Variants in CDH18 observed in about 807,000 individuals in gnomAD.
The protein encoded by CDH18 is cadherin 18.
In CDH18, 31 loss-of-function variants were observed where a neutral mutation model predicts 67.9. The observed-to-expected ratio is 0.46, with a 90% CI of 0.34 to 0.62. CDH18 has a LOEUF of 0.62. Ranked by LOEUF, CDH18 falls within the 20% of genes least tolerant of loss-of-function variation. The probability of loss-of-function intolerance (pLI) is 0.01; values close to 1 mark genes in which losing one functional copy is unlikely to be tolerated. For synonymous variants in CDH18, 362 were observed against 347.2 expected (o/e 1.04, Z -0.48); for missense variants, 890 against 975.5 (o/e 0.91, Z 1.17).
At chr5:20,035,376 C>T (rs1739760620) in intron 2 of CDH18, among the ~76,000 whole-genome samples, 1 of 151,966 alleles carries the variant, frequency 6.6e-6, no homozygotes, top group South Asian at 2.1e-4. Flanking sequence ...AAAGTGATTG[C>T]ATTATTCTAT....
chr5:19,772,472 G>T (rs1411980124), intron 3 of CDH18, among the ~76,000 whole-genome samples: 2 of 151,984 alleles, frequency 1.3e-5, no homozygotes, highest in East Asian at 1.9e-4. Flanking sequence ...TGGAAAATGG[G>T]TTACAAGAGA....
In CDH18 at chr5:20,054,774, C is replaced by T. The variant is rs369610984; in HGVS notation, c.-517-62760G>A. On this transcript the variant is annotated intron_variant, in intron 2 of 14. Coordinates refer to the CDH18 transcript ENST00000507958. The stretch of plus-strand genomic sequence containing the variant: ...ACCTAGACCCTTTGGAAAAATGTAT[C>T]CCCATTCTACAAAAGTATGGCTTTT... 6.2e-4 allele frequency among the ~76,000 whole-genome samples: 94 copies of T among 152,238 alleles called. No individual in the cohort carries two copies. In the South Asian group the frequency reaches 0.017, roughly 27 times the overall value.
intron 1 of CDH18, among the ~76,000 whole-genome samples, chr5:20,262,886 C>T (rs1744756021): frequency 1.3e-5 from 2 of 150,288 alleles, no homozygotes; most frequent in Non-Finnish European, 2.9e-5. Context: ...TCATTATATT[C>T]TTCAACACTT....
At chr5:20,042,942 A>C (rs1221990095) in intron 2 of CDH18, among the ~76,000 whole-genome samples, 2 of 152,086 alleles carry the variant, frequency 1.3e-5, no homozygotes, top group Non-Finnish European at 2.9e-5. Context: ...AGCCTGGGCG[A>C]CAGAGCCAGA....
intron 1 of CDH18, among the ~76,000 whole-genome samples, chr5:20,256,886 TGTTCTGGAA>T (rs1744273047): frequency 6.6e-6 from 1 of 151,842 alleles, no homozygotes; most frequent in African/African-American, 2.4e-5. Flanking sequence ...TGGGCTGTGA[TGTTCTGGAA>T]GTACTAAGAG....
At chr5:19,642,605 A>T (rs1389781054) in intron 5 of CDH18, among the ~76,000 whole-genome samples, 1 of 152,054 alleles carries the variant, frequency 6.6e-6, no homozygotes, top group Non-Finnish European at 1.5e-5. Flanking sequence ...TAGTGTTGGG[A>T]AAACTGGACA....
At chr5:20,161,872 T>C (rs1028784249) in intron 2 of CDH18, among the ~76,000 whole-genome samples, 5 of 152,176 alleles carry the variant, frequency 3.3e-5, no homozygotes, top group Non-Finnish European at 7.3e-5. Context: ...TTTTTCTTAA[T>C]CAATAAGATT....
intron 2 of CDH18, among the ~76,000 whole-genome samples, chr5:20,110,925 G>T (rs1335311866): frequency 6.6e-6 from 1 of 151,968 alleles, no homozygotes; most frequent in Non-Finnish European, 1.5e-5. Flanking sequence ...TAACTTGCAG[G>T]CAGATTTGTC....
chr5:19,574,149 C>A (rs1017032232), intron 7 of CDH18, among the ~76,000 whole-genome samples: 13 of 152,170 alleles, frequency 8.5e-5, no homozygotes, highest in East Asian at 5.8e-4. Context: ...AGCTCTGCAT[C>A]CAAGATGACA....
intron 1 of CDH18, among the ~76,000 whole-genome samples, chr5:20,440,595 A>C (rs1055899451): frequency 6.6e-6 from 1 of 152,016 alleles, no homozygotes; most frequent in Non-Finnish European, 1.5e-5. Flanking sequence ...AAGAATTTGC[A>C]ATGTGGAGTC....
intron 9 of CDH18, among the ~76,000 whole-genome samples, chr5:19,531,829 G>C (rs774495903): frequency 6.6e-5 from 10 of 152,086 alleles, no homozygotes; most frequent in Non-Finnish European, 1.3e-4. Flanking sequence ...TCATAAGCTT[G>C]ACTCATAAAC....
chr5:19,896,039 A>T (rs565439688), intron 2 of CDH18, among the ~76,000 whole-genome samples: 1 of 151,960 alleles, frequency 6.6e-6, no homozygotes, highest in Admixed American at 6.6e-5. Flanking sequence ...GTCCTTGCAG[A>T]TATGGTTAAA....
At chr5:20,473,954 T>C (rs183797959) in intron 1 of CDH18, among the ~76,000 whole-genome samples, 1 of 152,330 alleles carries the variant, frequency 6.6e-6, no homozygotes, top group East Asian at 1.9e-4. Flanking sequence ...AATTTGTAAA[T>C]GCTGTTCACT....
chr5:20,222,660 C>T (rs1741319765), intron 2 of CDH18, among the ~76,000 whole-genome samples: 1 of 151,128 alleles, frequency 6.6e-6, no homozygotes, highest in African/African-American at 2.4e-5. Flanking sequence ...TTTCAGTTTC[C>T]AAGAATTACA....
chr5:19,975,766 A>G (rs986809544), intron 2 of CDH18, among the ~76,000 whole-genome samples: 4 of 152,196 alleles, frequency 2.6e-5, no homozygotes, highest in Non-Finnish European at 5.9e-5. Context: ...TTCTTTTAGT[A>G]AAAGAATGGC....
intron 5 of CDH18, among the ~76,000 whole-genome samples, chr5:19,686,609 T>A (rs1209260253): frequency 3.9e-5 from 6 of 152,142 alleles, no homozygotes; most frequent in African/African-American, 1.4e-4. Context: ...ACCTAGTGTT[T>A]CTTATGGATG....
At chr5:20,400,190 A>C (rs1745641071) in intron 1 of CDH18, among the ~76,000 whole-genome samples, 1 of 152,180 alleles carries the variant, frequency 6.6e-6, no homozygotes, top group Non-Finnish European at 1.5e-5. Flanking sequence ...ACATTTATGA[A>C]ATATCCTAAT....
intron 1 of CDH18, among the ~76,000 whole-genome samples, chr5:20,444,535 TCAAAACAAACAAAA>T (rs1359781597): frequency 6.6e-6 from 1 of 152,104 alleles, no homozygotes; most frequent in Non-Finnish European, 1.5e-5. Context: ...AGCCTCTGTC[TCAAAACAAACAAAA>T]CAAAACAAAC....
At chr5:20,264,559 A>G (rs1744891290) in intron 1 of CDH18, among the ~76,000 whole-genome samples, 1 of 152,056 alleles carries the variant, frequency 6.6e-6, no homozygotes, top group African/African-American at 2.4e-5. Flanking sequence ...AAGATCACGT[A>G]AAATGCAATT....
Sources: allele counts gnomAD v4.1 joint callset (sites outside exome capture counted in the v4.1 genomes callset), GRCh38; gene constraint gnomAD v4.1.1; transcripts MANE v1.5; gene names NCBI Gene and HGNC (gene_info 2026-07-23, HGNC 2026-07-21).